The following INPP5D variants were observed in gnomAD, a reference collection of about 807,000 sequenced individuals.
INPP5D encodes the protein phosphatidylinositol 3,4,5-trisphosphate 5-phosphatase 1.
A neutral mutation model predicts 122.9 loss-of-function variants in INPP5D; 33 were observed. The ratio of observed to expected loss-of-function variants is 0.27; its 90% confidence interval spans 0.20 to 0.36. INPP5D has a LOEUF of 0.36. Ranked by LOEUF, INPP5D falls within the 10% of genes least tolerant of loss-of-function variation. The probability of loss-of-function intolerance (pLI) is 1.00; values close to 1 mark genes in which losing one functional copy is unlikely to be tolerated. For missense variants in INPP5D, 1,053 were observed against 1,412.7 expected (o/e 0.75, Z 4.08); for synonymous variants, 584 against 576.2 (o/e 1.01, Z -0.19).
At chr2:233,195,092 G>T (rs1695148330) in intron 23 of INPP5D, among the ~76,000 whole-genome samples, 1 of 152,124 alleles carries the variant, frequency 6.6e-6, no homozygotes, top group Non-Finnish European at 1.5e-5. Context: ...CACCACACCT[G>T]GCCTGTTTAT....
intron 25 of INPP5D, among the ~76,000 whole-genome samples, chr2:233,203,849 G>A (rs1695404198): frequency 6.6e-6 from 1 of 152,140 alleles, no homozygotes; most frequent in Admixed American, 6.5e-5. Context: ...TTGGGAGGCT[G>A]AGGGGAAGGA....
chr2:233,137,874 A>ACACATATATATATG (rs1170496487), intron 5 of INPP5D, among the ~76,000 whole-genome samples: 1 of 65,148 alleles, frequency 1.5e-5, no homozygotes, highest in African/African-American at 4.8e-5. Flanking sequence ...ATATATATAT[A>ACACATATATATATG]TATATATATA....
intron 25 of INPP5D, among the ~76,000 whole-genome samples, chr2:233,200,432 G>A (rs1695301618): frequency 6.6e-6 from 1 of 152,174 alleles, no homozygotes; most frequent in Non-Finnish European, 1.5e-5. Flanking sequence ...ATAACCTCAG[G>A]GGTTCACTCT....
intron 2 of INPP5D, among the ~76,000 whole-genome samples, chr2:233,094,213 G>A (rs991772426): frequency 6.6e-6 from 1 of 151,796 alleles, no homozygotes; most frequent in South Asian, 2.1e-4. Context: ...ATTTTATCCC[G>A]ATGTTTAAAA....
At chr2:233,084,370 C>T (rs1691774994) in intron 2 of INPP5D, among the ~76,000 whole-genome samples, 1 of 152,142 alleles carries the variant, frequency 6.6e-6, no homozygotes, top group African/African-American at 2.4e-5. Context: ...CCCAGGTTTT[C>T]ATGCAAGTTT....
chr2:233,112,407 C>T (rs148584986), intron 2 of INPP5D, among the ~76,000 whole-genome samples: 165 of 152,244 alleles, frequency 1.1e-3, no homozygotes, highest in African/African-American at 3.3e-3. Context: ...TTTGACAAAT[C>T]GCCATTATTT....
At chr2:233,186,557 C>T (rs1479045346) in intron 21 of INPP5D, among the ~76,000 whole-genome samples, 1 of 151,812 alleles carries the variant, frequency 6.6e-6, no homozygotes, top group Non-Finnish European at 1.5e-5. Context: ...AATCCCAGCA[C>T]CTAGGAAGCC....
intron 1 of INPP5D, among the ~76,000 whole-genome samples, chr2:233,067,274 G>T (rs1044966571): frequency 6.6e-5 from 10 of 152,158 alleles, no homozygotes. Flanking sequence ...TATCTTTTCC[G>T]GATGTTTCAT....
chr2:233,204,891 C>T, intron 26 of INPP5D, 174 bp downstream of exon 26: 1 of 1,132,916 alleles, frequency 8.8e-7, no homozygotes. Context: ...GGGAACTGCT[C>T]CATGAGAAGG....
Position 233,105,898 on chromosome 2 carries a change from G to A in INPP5D, c.199-16209G>A, listed in dbSNP as rs1692455386. On this transcript the variant is annotated intron_variant, in intron 2 of 26. Coordinates refer to ENST00000445964, the MANE Select transcript of INPP5D (RefSeq NM_001017915.3). The surrounding 1 kb of genome is among the most constrained non-coding windows in gnomAD (Gnocchi z 4.0). Reference sequence around the variant, plus strand: ...GCCCGAAGGCCTGCACAGGGGATGAGATGAAGGGACAGTGGCCACTGGGAG... The same window carrying A: ...GCCCGAAGGCCTGCACAGGGGATGAAATGAAGGGACAGTGGCCACTGGGAG... 6.6e-6 allele frequency among the ~76,000 whole-genome samples: 1 copy of A among 152,188 alleles called. No individual in the cohort carries two copies. The highest frequency in any genetic ancestry group is 1.5e-5 in the Non-Finnish European group (1 of 68,036).
At chr2:233,092,185 C>T (rs982733798) in intron 2 of INPP5D, among the ~76,000 whole-genome samples, 4 of 152,186 alleles carry the variant, frequency 2.6e-5, no homozygotes, top group African/African-American at 7.2e-5. Context: ...ACTGGGGGCC[C>T]GAGCTGCCAG....
intron 19 of INPP5D, 120 bp from the exon 20 acceptor site, chr2:233,184,288 C>G: frequency 7.1e-7 from 1 of 1,404,664 alleles, no homozygotes; most frequent in Non-Finnish European, 9.6e-7. Flanking sequence ...TCTCCTCCCA[C>G]TAGACTCCCA....
At position 233,164,161 on chromosome 2, in the gene INPP5D, G is replaced by A. The variant is rs1245825188; in HGVS notation, c.1438-146G>A. The stretch of plus-strand genomic sequence containing the variant: ...TAGGATGTTTTGTCTCGCCTATCAA[G>A]CATCGCTGGGAGTCCCCCGAAGGGT... On this transcript the variant is annotated intron_variant, in intron 12 of 26. Transcript: ENST00000445964. This position sits in a 1 kb window ranked among gnomAD's most constrained non-coding sequence, Gnocchi z 4.3. 1 of 1,417,576 alleles carries A rather than the reference G, an allele frequency of 7.1e-7. No individual in the cohort carries two copies. Among genetic ancestry groups the A allele is most frequent in the Non-Finnish European group, 9.2e-7 (1 of 1,081,150 alleles). The allele number at this position is 1,417,576 out of a possible 1,614,324, so 87.8% of individuals were successfully genotyped here. A position where few individuals can be genotyped will look rare whatever the true frequency, so the allele number is the denominator to read the frequency against.
chr2:233,165,449 TGA>T (rs1204341783), intron 13 of INPP5D, among the ~76,000 whole-genome samples: 2 of 152,016 alleles, frequency 1.3e-5, no homozygotes, highest in Non-Finnish European at 2.9e-5. Flanking sequence ...CCCGTATCTA[TGA>T]GTGTGTGTGT....
chr2:233,069,180 C>A lies in INPP5D; in HGVS notation c.134+8568C>A, dbSNP rs189189407. On this transcript the variant is annotated intron_variant, in intron 1 of 26. Transcript: ENST00000445964. Reference sequence around the variant, plus strand: ...AAAACACGATATTAACAAGTGCAGGCCCCTAACAGTTTGGGTTCAATACTT... The same window carrying A: ...AAAACACGATATTAACAAGTGCAGGACCCTAACAGTTTGGGTTCAATACTT... 1.0e-3 allele frequency among the ~76,000 whole-genome samples: 152 copies of A among 152,306 alleles called. 1 individual carries two copies. Among genetic ancestry groups the A allele is most frequent in the African/African-American group, 3.3e-3 (138 of 41,560 alleles).
intron 10 of INPP5D, among the ~76,000 whole-genome samples, chr2:233,158,658 G>C (rs970225979): frequency 6.6e-6 from 1 of 152,118 alleles, no homozygotes; most frequent in Non-Finnish European, 1.5e-5. Context: ...CTGCCTCCCA[G>C]CCTCGAGGCC....
chr2:233,204,185 C>T lies in INPP5D; in HGVS notation c.3035C>T (p.Thr1012Met), dbSNP rs557858996. The T allele has an allele frequency of 2.3e-5, 37 of 1,608,688 alleles. No individual in the cohort carries two copies. Among genetic ancestry groups the T allele is most frequent in the African/African-American group, 9.3e-5 (7 of 74,904 alleles). Residue 1012 changes from threonine (T) to methionine (M), a missense_variant, in exon 26 of 27, where the codon ACG becomes ATG. Around this residue, in one of 6 missense-constraint regions of INPP5D, gnomAD observed 417 missense variants for 425.8 expected, o/e 0.98. Coordinates refer to ENST00000445964, the MANE Select transcript of INPP5D (RefSeq NM_001017915.3). ...CTGCCTCAGGAGGACCTGCCGCTGA[C>T]GAAGCCCGAGATGTTTGAGAACCCC... ...DTLPQEDLPL[T>M]KPEMFENPLY...
At position 233,202,462 on chromosome 2, in the gene INPP5D, C is replaced by T. The variant is rs557179098; in HGVS notation, c.2976-1664C>T. Among the ~76,000 whole-genome samples the T allele has an allele frequency of 2.1e-4, 32 of 152,348 alleles. No individual in the cohort carries two copies. The South Asian group carries it at 3.7e-3, about 18-fold the overall frequency. On this transcript the variant is annotated intron_variant, in intron 25 of 26. Transcript: ENST00000445964. ...CAGTCAGGCTCCCTTTGGTGTGTCC[C>T]GGAGGCCAGCCTCCCTGGAGCTCCA...
intron 9 of INPP5D, among the ~76,000 whole-genome samples, chr2:233,158,011 A>G (rs1335965701): frequency 6.6e-6 from 1 of 152,136 alleles, no homozygotes; most frequent in African/African-American, 2.4e-5. Flanking sequence ...GAAGAGGAGG[A>G]AGAAGAGGAG....
Sources: gnomAD v4.1 joint callset for allele counts (sites outside exome capture counted in the v4.1 genomes callset) on GRCh38, gnomAD v4.1.1 for gene constraint, gnomAD v4.1.1 regional missense constraint, Gnocchi (gnomAD v3.1) non-coding constraint, MANE v1.5 for transcripts, NCBI Gene and HGNC (gene_info 2026-07-23, HGNC 2026-07-21) for gene names.